Variants in GTF3C6 observed in about 807,000 individuals in gnomAD.
GTF3C6 encodes general transcription factor 3C polypeptide 6.
GTF3C6 carries 11 observed loss-of-function variants against 19.2 expected under a neutral mutation model. The ratio of observed to expected loss-of-function variants is 0.57; its 90% CI spans 0.36 to 0.95. The LOEUF is 0.95. Ranked by LOEUF, GTF3C6 falls within the 40% of genes least tolerant of loss-of-function variation. The probability of loss-of-function intolerance (pLI) is 0.01; values close to 1 mark genes in which losing one functional copy is unlikely to be tolerated. For missense variants in GTF3C6, 222 were observed against 254.7 expected (o/e 0.87, Z 0.87); for synonymous variants, 87 against 84.2 (o/e 1.03, Z -0.18).
At position 110,958,807 on chromosome 6, in the gene GTF3C6, G is replaced by C. The variant is rs1040062092; in HGVS notation, c.38G>C (p.Gly13Ala). The C allele has an allele frequency of 2.6e-6, 4 of 1,551,246 alleles. No homozygotes were observed. The highest frequency in any genetic ancestry group is 2.6e-6 in the Non-Finnish European group (3 of 1,146,960). Reference protein sequence around the residue: ...AAADERSPEDGEDEEEEEQLV... With the variant: ...AAADERSPEDAEDEEEEEQLV... ...GCGGACGAGCGGAGTCCAGAGGACGGAGAAGACGAGGAAGAGGAGGTAGTA... is the reference window on the plus strand; with the variant it reads ...GCGGACGAGCGGAGTCCAGAGGACGCAGAAGACGAGGAAGAGGAGGTAGTA... Residue 13 changes from glycine to alanine, a missense_variant, in exon 1 of 6, where the codon GGA (glycine) becomes GCA (alanine). Gly to Ala is a moderately conservative substitution (Grantham distance 60, BLOSUM62 0). Transcript: ENST00000329970.
At chr6:110,964,803 G>C (rs1393784738) in intron 5 of GTF3C6, among the ~76,000 whole-genome samples, 7 of 149,198 alleles carry the variant, frequency 4.7e-5, no homozygotes, top group African/African-American at 1.7e-4. Context: ...CACCACGCCC[G>C]GCTAATTTTT....
At chr6:110,962,707 A>G (rs1398976795) in intron 5 of GTF3C6, among the ~76,000 whole-genome samples, 2 of 152,030 alleles carry the variant, frequency 1.3e-5, no homozygotes, top group African/African-American at 2.4e-5. Context: ...GGCTCAAGCA[A>G]TTCTCTTTCC....
chr6:110,966,962 T>G (rs555361476), intron 5 of GTF3C6, among the ~76,000 whole-genome samples: 2 of 152,110 alleles, frequency 1.3e-5, no homozygotes, highest in Non-Finnish European at 2.9e-5. Flanking sequence ...GAGACCAGCC[T>G]GGCCAACATA....
At chr6:110,959,795 T>C (rs1771135379) in intron 2 of GTF3C6, among the ~76,000 whole-genome samples, 1 of 151,836 alleles carries the variant, frequency 6.6e-6, no homozygotes, top group Admixed American at 6.6e-5. Flanking sequence ...CCGTCTCTAC[T>C]GAAATACAAA....
intron 4 of GTF3C6, 111 bp downstream of exon 4, chr6:110,960,727 C>T: frequency 1.1e-6 from 1 of 915,132 alleles, no homozygotes; most frequent in East Asian, 2.5e-5. Context: ...CTATCATTTT[C>T]CCAAACGTGA....
Position 110,965,116 on chromosome 6 carries a change from G to GCAC in GTF3C6, c.362-2389_362-2387dup, listed in dbSNP as rs1175227181. Among the ~76,000 whole-genome samples the GCAC allele has an allele frequency of 2.7e-5, 4 of 147,998 alleles. 1 individual carries two copies. Among genetic ancestry groups the GCAC allele is most frequent in the African/African-American group, 5.0e-5 (2 of 40,020 alleles). ...CCCAAAGTTTTGGGATTACAGGTGT[G>GCAC]CACCACCGCACCCAACCTTTTTTTT... On this transcript the variant is annotated intron_variant, in intron 5 of 5. Transcript: ENST00000329970.
At chr6:110,966,971 T>C (rs1295322710) in intron 5 of GTF3C6, among the ~76,000 whole-genome samples, 1 of 151,860 alleles carries the variant, frequency 6.6e-6, no homozygotes, top group Non-Finnish European at 1.5e-5. Context: ...CTGGCCAACA[T>C]AGTGAAATTC....
Position 110,960,562 on chromosome 6 carries a change from T to A in GTF3C6, c.203-10T>A. The A allele has an allele frequency of 6.2e-7, 1 of 1,613,824 alleles. No individual in the cohort carries two copies. The highest frequency in any genetic ancestry group is 8.5e-7 in the Non-Finnish European group (1 of 1,179,756). On this transcript the variant is annotated splice_polypyrimidine_tract_variant and intron_variant, in intron 3 of 5. Coordinates refer to ENST00000329970, the MANE Select transcript of GTF3C6 (RefSeq NM_138408.4). ...TCTTCTCAACAATTTGCCTTTGTATTTTTCTGCAGACACTCTAGGGACCTG... is the reference window on the plus strand; with the variant it reads ...TCTTCTCAACAATTTGCCTTTGTATATTTCTGCAGACACTCTAGGGACCTG...
chr6:110,958,745 C>G lies in GTF3C6; in HGVS notation c.-25C>G, dbSNP rs1562357380. On this transcript the variant is annotated 5_prime_UTR_variant, in exon 1 of 6. Transcript: ENST00000329970. ...GGCTCCGGGCGGGCGTGGCCAGTGA[C>G]TAGAAGGCGAGGCGCCGCGGGACCA... 2 of 1,550,370 alleles carry G rather than the reference C, an allele frequency of 1.3e-6. No homozygotes were observed. Among genetic ancestry groups the G allele is most frequent in the Non-Finnish European group, 1.7e-6 (2 of 1,146,848 alleles).
intron 2 of GTF3C6, among the ~76,000 whole-genome samples, chr6:110,959,818 A>G (rs1771135642): frequency 6.6e-6 from 1 of 152,072 alleles, no homozygotes; most frequent in African/African-American, 2.4e-5. Flanking sequence ...TTAGCCAGGC[A>G]TGGTGGTGGG....
At chr6:110,966,285 C>A (rs1771228503) in intron 5 of GTF3C6, among the ~76,000 whole-genome samples, 1 of 151,998 alleles carries the variant, frequency 6.6e-6, no homozygotes, top group South Asian at 2.1e-4. Flanking sequence ...ACCAGCCTGG[C>A]CAATATGGTG....
chr6:110,967,851 A>G lies in GTF3C6; in HGVS notation c.*61A>G. The G allele has an allele frequency of 7.1e-7, 1 of 1,406,068 alleles. No homozygotes were observed. The allele number at this position is 1,406,068 out of a possible 1,614,324, so 87.1% of individuals were successfully genotyped here. On this transcript the variant is annotated 3_prime_UTR_variant, in exon 6 of 6. Coordinates refer to ENST00000329970, the MANE Select transcript of GTF3C6 (RefSeq NM_138408.4). ...TTGTCAAGAACTTTTTAGAGTTGTT[A>G]CATAAAAATAATTGCTGTGTAGCTT... is the stretch of plus-strand genomic sequence containing the variant.
In GTF3C6 at chr6:110,958,781, G is replaced by T. The variant is rs977275763; in HGVS notation, c.12G>T (p.Ala4=). Residue 4 remains alanine (A), a synonymous_variant, in exon 1 of 6, where the codon GCG becomes GCT. Coordinates refer to ENST00000329970, the MANE Select transcript of GTF3C6 (RefSeq NM_138408.4). ...GGCGCCGCGGGACCATGGCGGCGGCGGCGGACGAGCGGAGTCCAGAGGACG... is the reference window on the plus strand; with the variant it reads ...GGCGCCGCGGGACCATGGCGGCGGCTGCGGACGAGCGGAGTCCAGAGGACG... MAA[A]ADERSPEDGE... is the part of the protein sequence containing the mutation. 1.3e-6 allele frequency: 2 copies of T among 1,550,900 alleles called. No individual in the cohort carries two copies. The highest frequency in any genetic ancestry group is 2.0e-5 in the Admixed American group (1 of 50,984).
intron 2 of GTF3C6, among the ~76,000 whole-genome samples, chr6:110,959,963 A>T (rs929948948): frequency 2.4e-5 from 3 of 123,936 alleles, no homozygotes; most frequent in African/African-American, 8.9e-5. Context: ...CATCTCAATA[A>T]AAAAAAAAAA....
In GTF3C6 at chr6:110,967,153, TA is replaced by T. The variant is rs200139626; in HGVS notation, c.362-346del. ...TGGGTGACAGAGCGAGACTTTGTCT[TA>T]AAAAAAAAAACATTGTAGGGAAGTG... On this transcript the variant is annotated intron_variant, in intron 5 of 5. Coordinates refer to ENST00000329970, the MANE Select transcript of GTF3C6 (RefSeq NM_138408.4). Among the ~76,000 whole-genome samples the T allele has an allele frequency of 4.9e-3, 711 of 145,826 alleles. 4 individuals carry two copies. The highest frequency in any genetic ancestry group is 0.021 in the Middle Eastern group (6 of 288).
intron 4 of GTF3C6, among the ~76,000 whole-genome samples, chr6:110,961,076 G>C (rs1174087404): frequency 6.6e-6 from 1 of 151,856 alleles, no homozygotes; most frequent in Non-Finnish European, 1.5e-5. Flanking sequence ...ACCCATTCCA[G>C]ATACATTTGA....
intron 5 of GTF3C6, among the ~76,000 whole-genome samples, chr6:110,962,787 T>C (rs1044100717): frequency 6.6e-6 from 1 of 151,924 alleles, no homozygotes; most frequent in Non-Finnish European, 1.5e-5. Context: ...TTTTTTTCTT[T>C]TTTCTTATCC....
chr6:110,963,583 A>G (rs945705852), intron 5 of GTF3C6, among the ~76,000 whole-genome samples: 1 of 152,110 alleles, frequency 6.6e-6, no homozygotes, highest in Admixed American at 6.6e-5. Context: ...GGGGGGAAAA[A>G]ACTTCCTTGT....
rs1292031587 is a variant in GTF3C6 at position 110,958,723 on chromosome 6, T to A, written c.-47T>A. ...TGAAGCCCGTACTCAAGATGGCGGC[T>A]CCGGGCGGGCGTGGCCAGTGACTAG... On this transcript the variant is annotated 5_prime_UTR_variant, in exon 1 of 6. Transcript: ENST00000329970. 1.3e-6 allele frequency: 2 copies of A among 1,547,616 alleles called. No individual in the cohort carries two copies. The highest frequency in any genetic ancestry group is 3.9e-5 in the Admixed American group (2 of 50,970).
Sources: gnomAD v4.1 joint callset for allele counts (sites outside exome capture counted in the v4.1 genomes callset) on GRCh38, gnomAD v4.1.1 for gene constraint, MANE v1.5 for transcripts, NCBI Gene and HGNC (gene_info 2026-07-23, HGNC 2026-07-21) for gene names.